The following INTS4 variants were observed in gnomAD, a reference collection of about 807,000 sequenced individuals.
INTS4 encodes MSTP093.
In INTS4, 70 loss-of-function variants were observed where a neutral mutation model predicts 119.5. The ratio of observed to expected loss-of-function variants is 0.59; its 90% CI spans 0.48 to 0.71. INTS4 has a LOEUF of 0.71. Ranked by LOEUF, INTS4 falls within the 30% of genes least tolerant of loss-of-function variation. The pLI, the probability that INTS4 is intolerant of heterozygous loss-of-function variation, is 0.00. For synonymous variants in INTS4, 316 were observed against 419.6 expected, an observed-to-expected ratio of 0.75 and a Z score of 3.02; for missense variants, 867 against 1,173.2, an observed-to-expected ratio of 0.74 and a Z score of 3.81.
intron 3 of INTS4, among the ~76,000 whole-genome samples, chr11:77,979,989 A>C (rs1856136565): frequency 8.2e-6 from 1 of 122,232 alleles, no homozygotes; most frequent in Non-Finnish European, 1.7e-5. Context: ...AAAAAAAAAA[A>C]AAAAAGAAGA....
intron 2 of INTS4, among the ~76,000 whole-genome samples, chr11:77,988,207 A>C (rs1856531962): frequency 1.3e-5 from 2 of 152,238 alleles, no homozygotes; most frequent in Admixed American, 1.3e-4. Flanking sequence ...CTCTGAATTT[A>C]CGGAGCTCAA....
intron 1 of INTS4, 23 bp from the exon 2 acceptor site, chr11:77,991,322 A>G: frequency 6.3e-7 from 1 of 1,582,262 alleles, no homozygotes; most frequent in Non-Finnish European, 8.7e-7. Flanking sequence ...GAGAAAATCG[A>G]AAACACAGAA....
In INTS4 at chr11:77,904,992, T is replaced by C. The variant is rs559025312; in HGVS notation, c.2017-1372A>G. ...ATATCAGCTTGACTAGATTAAGGAA[T>C]ATCAGAAACCTGGTAAAAGATTATT... On this transcript the variant is annotated intron_variant, in intron 16 of 22. Coordinates refer to ENST00000534064, the MANE Select transcript of INTS4 (RefSeq NM_033547.4). Among the ~76,000 whole-genome samples, 220 of 152,316 alleles carry C rather than the reference T, an allele frequency of 1.4e-3. 1 individual carries two copies. Among genetic ancestry groups the C allele is most frequent in the African/African-American group, 5.1e-3 (210 of 41,566 alleles).
At chr11:77,948,678 AAAG>A (rs199555036) in intron 8 of INTS4, among the ~76,000 whole-genome samples, 64,405 of 119,728 alleles carry the variant, frequency 0.54, 17,545 homozygotes, top group African/African-American at 0.66. Flanking sequence ...CAAAAAAAAA[AAAG>A]AAGAAGAAGA....
chr11:77,979,534 G>A lies in INTS4; in HGVS notation c.365-432C>T, dbSNP rs1284758402. Among the ~76,000 whole-genome samples the A allele has an allele frequency of 2.6e-5, 4 of 151,910 alleles. No individual in the cohort carries two copies. In the East Asian group the frequency reaches 5.8e-4, roughly 22 times the overall value. ...TGGGTTCTACTGTGTGATCCTTCAT[G>A]CCCTCAACTAAAAGCTAAGTTCCTA... is the stretch of plus-strand genomic sequence containing the variant. On this transcript the variant is annotated intron_variant, in intron 3 of 22. Coordinates refer to ENST00000534064, the MANE Select transcript of INTS4 (RefSeq NM_033547.4).
At chr11:77,950,216 A>G (rs1213436909) in intron 8 of INTS4, among the ~76,000 whole-genome samples, 1 of 148,650 alleles carries the variant, frequency 6.7e-6, no homozygotes, top group Non-Finnish European at 1.5e-5. Flanking sequence ...AGGGACTGTC[A>G]GAGGGTGGGG....
intron 22 of INTS4, among the ~76,000 whole-genome samples, chr11:77,883,308 A>G (rs695046): frequency 0.2 from 30,875 of 152,064 alleles, 3,196 homozygotes; most frequent in Middle Eastern, 0.24. Flanking sequence ...AGTTTTTTAA[A>G]GCAGGCTTAC....
rs111424730 is a variant in INTS4, at chr11:77,879,279, A to C, written c.2714-152T>G. On this transcript the variant is annotated intron_variant, in intron 22 of 22. Transcript: ENST00000534064. ...TCCCCTTACCCTCACCAAACAAAAC[A>C]CTGAGCCTGCAGATGTGATGCTGTT... 3.4e-5 allele frequency: 27 copies of C among 791,084 alleles called. 1 individual carries two copies. In the Middle Eastern group the frequency reaches 1.5e-3, roughly 42 times the overall value. 49.0% of individuals were successfully genotyped at this position (791,084 alleles called of 1,614,324 possible).
intron 10 of INTS4, among the ~76,000 whole-genome samples, chr11:77,931,837 G>A (rs1591071632): frequency 6.6e-6 from 1 of 152,168 alleles, no homozygotes; most frequent in Admixed American, 6.5e-5. Flanking sequence ...CAACCAACAG[G>A]GAAAGGATTC....
chr11:77,948,698 A>G (rs3018413), intron 8 of INTS4, among the ~76,000 whole-genome samples: 1 of 103,028 alleles, frequency 9.7e-6, no homozygotes, highest in Non-Finnish European at 2.2e-5. Flanking sequence ...AAGAAGAAGG[A>G]AAAAATCTTG....
rs571712642 is a variant in INTS4, at chr11:77,948,892, T to C, written c.918+7050A>G. ...CACTTCACAAGCAAGAATTAAAACA[T>C]ATACCAAAACCTACGGTATGCAACA... On this transcript the variant is annotated intron_variant, in intron 8 of 22. Coordinates refer to ENST00000534064, the MANE Select transcript of INTS4 (RefSeq NM_033547.4). Among the ~76,000 whole-genome samples, 27 of 151,580 alleles carry C rather than the reference T, an allele frequency of 1.8e-4. No homozygotes were observed. In the South Asian group the frequency reaches 4.8e-3, roughly 27 times the overall value.
At chr11:77,917,537 T>C (rs1456794610) in intron 15 of INTS4, among the ~76,000 whole-genome samples, 1 of 151,858 alleles carries the variant, frequency 6.6e-6, no homozygotes, top group Non-Finnish European at 1.5e-5. Flanking sequence ...CTTGAACTCC[T>C]AGCCTCAAGT....
intron 12 of INTS4, 79 bp downstream of exon 12, chr11:77,924,671 T>A (rs1953451030): frequency 7.3e-7 from 1 of 1,376,692 alleles, no homozygotes; most frequent in Non-Finnish European, 1.0e-6. Flanking sequence ...CCTCAATCTA[T>A]AAGGACGGAA....
intron 17 of INTS4, among the ~76,000 whole-genome samples, chr11:77,902,740 G>T (rs941206649): frequency 3.3e-5 from 5 of 152,178 alleles, no homozygotes; most frequent in African/African-American, 1.2e-4. Context: ...CTATCTGGAA[G>T]ACTTGACCTG....
chr11:77,884,671 C>T (rs658398), intron 21 of INTS4: 80,162 of 215,828 alleles, frequency 0.37, 15,564 homozygotes, highest in African/African-American at 0.46. Flanking sequence ...GTTGAAACTG[C>T]GGAAGGCATG....
intron 10 of INTS4, among the ~76,000 whole-genome samples, chr11:77,937,689 A>G (rs1953829592): frequency 1.3e-5 from 2 of 152,146 alleles, no homozygotes; most frequent in South Asian, 4.1e-4. Context: ...AGCTTCAGTG[A>G]GCTGTGATCA....
downstream of INTS4, among the ~76,000 whole-genome samples, chr11:77,878,244 C>A (rs1035973365): frequency 1.3e-5 from 2 of 151,994 alleles, no homozygotes; most frequent in Non-Finnish European, 2.9e-5. Context: ...CGCCTGTAGT[C>A]CCACCTACTC....
At chr11:77,909,222 C>T (rs1037251714) in intron 15 of INTS4, among the ~76,000 whole-genome samples, 1 of 152,210 alleles carries the variant, frequency 6.6e-6, no homozygotes, top group Non-Finnish European at 1.5e-5. Context: ...AATAGAGAAA[C>T]TAGGTCCTCA....
At position 77,956,012 on chromosome 11, in the gene INTS4, G is replaced by C. The variant is rs766516019; in HGVS notation, c.848C>G (p.Ala283Gly). The change falls in exon 8 of 23, where the codon GCG becomes GGG. Residue 283 changes from alanine (A) to glycine (G), a missense_variant. Coordinates refer to ENST00000534064, the MANE Select transcript of INTS4 (RefSeq NM_033547.4). ...GACCATGTGACAAATTTTGCCAAAC[G>C]CATCATCAACTAAGCGTATTTCTTC... ...SNEEIRLVDDAFGKICHMVSD... is the reference protein window; with the variant it reads ...SNEEIRLVDDGFGKICHMVSD... 11 of 1,610,590 alleles carry C rather than the reference G, an allele frequency of 6.8e-6. No individual in the cohort carries two copies. In the South Asian group the frequency reaches 9.9e-5, roughly 15 times the overall value.
Sources: gnomAD v4.1 joint callset for allele counts (sites outside exome capture counted in the v4.1 genomes callset) on GRCh38, gnomAD v4.1.1 for gene constraint, MANE v1.5 for transcripts, NCBI Gene and HGNC (gene_info 2026-07-23, HGNC 2026-07-21) for gene names.